CMIP: variants seen among roughly 807,000 people sequenced by gnomAD.
CMIP encodes C-Maf-inducing protein.
Under a neutral mutation model 97.3 loss-of-function variants are expected in CMIP, and 13 were observed. The observed-to-expected ratio is 0.13, with a 90% CI of 0.09 to 0.21. The LOEUF is 0.21. Ranked by LOEUF, CMIP falls within the 10% of genes least tolerant of loss-of-function variation. The pLI, the probability that CMIP is intolerant of heterozygous loss-of-function variation, is 1.00. For missense variants in CMIP, 847 were observed against 1,024.9 expected (o/e 0.83, Z 2.37); for synonymous variants, 538 against 436.3 (o/e 1.23, Z -2.91).
chr16:81,445,389 A>G lies in CMIP; in HGVS notation c.148A>G (p.Met50Val). 1 of 1,605,648 alleles carries G rather than the reference A, an allele frequency of 6.2e-7. No homozygotes were observed. Among genetic ancestry groups the G allele is most frequent in the Non-Finnish European group, 8.5e-7 (1 of 1,176,406 alleles). The change falls in exon 1 of 21, where the codon ATG becomes GTG. Residue 50 changes from methionine (M) to valine (V), a missense_variant. Transcript: ENST00000537098. ...CCGGGCTCTTCTGCTTTGCAACGGG[A>G]TGAGGTACAAACTGCTGCAGGAGGG... Reference protein sequence around the residue: ...CRRALLLCNGMRYKLLQEGDI... With the variant: ...CRRALLLCNGVRYKLLQEGDI...
chr16:81,517,832 C>T (rs141321037), intron 1 of CMIP: 8 of 483,486 alleles, frequency 1.7e-5, no homozygotes, highest in East Asian at 3.1e-4. Flanking sequence ...TGGAGTTCGA[C>T]GTTCTCTGGA....
chr16:81,487,876 A>G lies in CMIP; in HGVS notation c.300+42335A>G, dbSNP rs1369664377. ...AGCAATCCCCTATCAACAAACAAAA[A>G]GGATGTTCCGGCTCTGCAAACACGG... On this transcript the variant is annotated intron_variant, in intron 1 of 20. Transcript: ENST00000537098. 2.0e-5 allele frequency among the ~76,000 whole-genome samples: 3 copies of G among 152,202 alleles called. No homozygotes were observed. The East Asian group carries it at 5.8e-4, about 29-fold the overall frequency.
intron 1 of CMIP, among the ~76,000 whole-genome samples, chr16:81,482,736 C>T (rs1301863941): frequency 6.6e-6 from 1 of 152,216 alleles, no homozygotes; most frequent in East Asian, 1.9e-4. Context: ...GAGAAGGTGA[C>T]AAACCCGGGC....
In CMIP at chr16:81,690,420, G is replaced by T. The variant is rs1317323523; in HGVS notation, c.1389-1355G>T. Among the ~76,000 whole-genome samples the T allele has an allele frequency of 2.6e-5, 4 of 152,182 alleles. No individual in the cohort carries two copies. In the East Asian group the frequency reaches 7.7e-4, roughly 29 times the overall value. ...GTATTTAGCATCAACTCTTAGAAAA[G>T]AAGAAAAGCTGTTGTCTGAAAGCAA... On this transcript the variant is annotated intron_variant, in intron 10 of 20. Transcript: ENST00000537098.
intron 1 of CMIP, among the ~76,000 whole-genome samples, chr16:81,606,775 A>C (rs1314265120): frequency 6.6e-6 from 1 of 152,102 alleles, no homozygotes; most frequent in Non-Finnish European, 1.5e-5. Context: ...TGAGCACCGG[A>C]AAAGGAGGGC....
At chr16:81,536,972 A>G (rs1013517370) in intron 1 of CMIP, among the ~76,000 whole-genome samples, 1 of 152,056 alleles carries the variant, frequency 6.6e-6, no homozygotes, top group Admixed American at 6.5e-5. Context: ...CCTGGCTTGT[A>G]TCAGTGTCTA....
chr16:81,618,409 C>G (rs544943635), intron 2 of CMIP: 1 of 152,352 alleles, frequency 6.6e-6, no homozygotes, highest in African/African-American at 2.4e-5. Context: ...ATCTCAAGAC[C>G]TTGAACTTGG....
chr16:81,667,799 A>AGAGAGAGAGAGAGAGTGTGTGT lies in CMIP; in HGVS notation c.826-2342_826-2341insAGAGAGAGAGAGAGTGTGTGTG. Among the ~76,000 whole-genome samples, 152 of 58,108 alleles carry AGAGAGAGAGAGAGAGTGTGTGT rather than the reference A, an allele frequency of 2.6e-3. 1 individual carries two copies. Among genetic ancestry groups the AGAGAGAGAGAGAGAGTGTGTGT allele is most frequent in the Non-Finnish European group, 3.7e-3 (116 of 31,270 alleles). The allele number at this position is 58,108 out of a possible 152,430, so 38.1% of individuals were successfully genotyped here. ...GAGAGAGAGAGAGAGAGAGAGAGAG[A>AGAGAGAGAGAGAGAGTGTGTGT]GTGTGTGTGTGTGTGTGTGTGTGTG... On this transcript the variant is annotated intron_variant, in intron 7 of 20. Transcript: ENST00000537098.
chr16:81,503,511 C>G (rs781288361), intron 1 of CMIP, among the ~76,000 whole-genome samples: 4 of 152,226 alleles, frequency 2.6e-5, no homozygotes, highest in African/African-American at 7.2e-5. Context: ...ATCCTCCCAC[C>G]TCAGCCTCCC....
intron 2 of CMIP, among the ~76,000 whole-genome samples, chr16:81,612,375 A>T (rs957944561): frequency 1.3e-5 from 2 of 152,134 alleles, no homozygotes; most frequent in Admixed American, 1.3e-4. Flanking sequence ...AATGTTCTGG[A>T]AAGTCCTGCA....
chr16:81,481,288 CG>C (rs1908246432), intron 1 of CMIP, among the ~76,000 whole-genome samples: 1 of 152,156 alleles, frequency 6.6e-6, no homozygotes, highest in African/African-American at 2.4e-5. Flanking sequence ...CTGGGTGTGC[CG>C]GGCCCTGTCT....
At chr16:81,686,008 GT>G (rs1905345734) in intron 10 of CMIP, among the ~76,000 whole-genome samples, 1 of 152,176 alleles carries the variant, frequency 6.6e-6, no homozygotes, top group Non-Finnish European at 1.5e-5. Flanking sequence ...CACCAGCTGT[GT>G]GGCCTGGGGC....
rs576503788 is a variant in CMIP, at chr16:81,594,187, G to A, written c.301-13380G>A. On this transcript the variant is annotated intron_variant, in intron 1 of 20. Transcript: ENST00000537098. ...GGCTGGAGCGCACTGGTGCAATATC[G>A]GCTCAGTGCAACCTCCAACTCCTGG... Among the ~76,000 whole-genome samples the A allele has an allele frequency of 2.2e-3, 324 of 146,396 alleles. 1 individual carries two copies. The highest frequency in any genetic ancestry group is 7.8e-3 in the African/African-American group (309 of 39,396).
chr16:81,632,109 G>T (rs939250020), intron 3 of CMIP: 9 of 152,196 alleles, frequency 5.9e-5, no homozygotes, highest in Admixed American at 5.9e-4. Context: ...AGGGAGTTCT[G>T]ACTGCTGTAC....
At chr16:81,612,473 C>A (rs1402026622) in intron 2 of CMIP, among the ~76,000 whole-genome samples, 1 of 152,200 alleles carries the variant, frequency 6.6e-6, no homozygotes, top group Non-Finnish European at 1.5e-5. Context: ...GCAAGCAGGA[C>A]TTTTCCGGTC....
At chr16:81,571,239 G>T (rs903847555) in intron 1 of CMIP, among the ~76,000 whole-genome samples, 2 of 152,180 alleles carry the variant, frequency 1.3e-5, no homozygotes, top group African/African-American at 4.8e-5. Context: ...GGAGGCTCAG[G>T]TGGGAGGATT....
intron 2 of CMIP, among the ~76,000 whole-genome samples, chr16:81,615,443 CTG>C (rs199832970): frequency 0.053 from 6,240 of 118,384 alleles, 284 homozygotes; most frequent in East Asian, 0.27. Context: ...ACATTTGTAA[CTG>C]TATGGTGTGT....
At position 81,614,014 on chromosome 16, in the gene CMIP, C is replaced by G. The variant is rs112227520; in HGVS notation, c.426+6322C>G. Among the ~76,000 whole-genome samples the G allele has an allele frequency of 3.9e-5, 6 of 152,310 alleles. No homozygotes were observed. Among genetic ancestry groups the G allele is most frequent in the African/African-American group, 1.4e-4 (6 of 41,562 alleles). On this transcript the variant is annotated intron_variant, in intron 2 of 20. Transcript: ENST00000537098. The surrounding 1 kb of genome is among the most constrained non-coding windows in gnomAD (Gnocchi z 5.3). ...AGCCTGCAGAAGAAGGACAACTAGA[C>G]AGGCGATTCCAGGACAGTGTGATGC...
At chr16:81,628,952 A>G (rs1352113848) in intron 3 of CMIP, among the ~76,000 whole-genome samples, 1 of 151,872 alleles carries the variant, frequency 6.6e-6, no homozygotes, top group African/African-American at 2.4e-5. Flanking sequence ...CCTGGCCAAC[A>G]TGGGGAAACC....
Sources: gnomAD v4.1 joint callset for allele counts (sites outside exome capture counted in the v4.1 genomes callset) on GRCh38, gnomAD v4.1.1 for gene constraint, Gnocchi (gnomAD v3.1) non-coding constraint, MANE v1.5 for transcripts, NCBI Gene and HGNC (gene_info 2026-07-23, HGNC 2026-07-21) for gene names.